Variants in ATR observed in about 807,000 individuals in gnomAD.
ATR encodes ATR checkpoint kinase.
A neutral mutation model predicts 305.3 loss-of-function variants in ATR; 142 were observed. The ratio of observed to expected loss-of-function variants is 0.47; its 90% confidence interval spans 0.41 to 0.53. The LOEUF is 0.53. ATR is among the 20% of genes least tolerant of loss of function. The probability of loss-of-function intolerance (pLI) is 0.00; values close to 1 mark genes in which losing one functional copy is unlikely to be tolerated. For synonymous variants in ATR, 1,050 were observed against 1,068.1 expected (o/e 0.98, Z 0.33); for missense variants, 2,135 against 3,133.1 (o/e 0.68, Z 7.60).
chr3:142,515,665 G>A, intron 24 of ATR, 150 bp from the exon 25 acceptor site: 2 of 857,670 alleles, frequency 2.3e-6, no homozygotes, highest in South Asian at 1.7e-5. Context: ...TCTTAGGGGT[G>A]AAGTAGGTCA....
intron 7 of ATR, 165 bp downstream of exon 7, chr3:142,559,086 T>C: frequency 1.4e-6 from 1 of 728,058 alleles, no homozygotes; most frequent in Non-Finnish European, 2.2e-6. Flanking sequence ...GCACATAAAT[T>C]GGCAACTCAG....
chr3:142,457,236 T>C (rs1356905609), intron 45 of ATR, among the ~76,000 whole-genome samples: 1 of 152,110 alleles, frequency 6.6e-6, no homozygotes, highest in East Asian at 1.9e-4. Flanking sequence ...ATGTCCTGAA[T>C]AGGTAAATCC....
chr3:142,507,233 G>A (rs917438368), intron 28 of ATR, among the ~76,000 whole-genome samples: 8 of 152,006 alleles, frequency 5.3e-5, no homozygotes, highest in East Asian at 1.9e-4. Flanking sequence ...CACTGTATTC[G>A]CCTCACCTGC....
At chr3:142,456,489 T>C (rs139249027) in intron 45 of ATR, among the ~76,000 whole-genome samples, 6,373 of 152,068 alleles carry the variant, frequency 0.042, 443 homozygotes, top group African/African-American at 0.15. Context: ...CGAGAATCGT[T>C]TGAACCCAGG....
intron 16 of ATR, among the ~76,000 whole-genome samples, chr3:142,545,136 G>A (rs1234726092): frequency 6.6e-6 from 1 of 151,886 alleles, no homozygotes; most frequent in African/African-American, 2.4e-5. Flanking sequence ...TCCTATACTG[G>A]GTACAGGTGT....
At chr3:142,460,409 C>G (rs1249480810) in intron 42 of ATR, among the ~76,000 whole-genome samples, 1 of 151,994 alleles carries the variant, frequency 6.6e-6, no homozygotes, top group Non-Finnish European at 1.5e-5. Context: ...AAGGTGGGCC[C>G]TTAATTCAAT....
intron 36 of ATR, among the ~76,000 whole-genome samples, chr3:142,483,666 G>A (rs1294202703): frequency 2.0e-5 from 3 of 151,680 alleles, no homozygotes; most frequent in Non-Finnish European, 4.4e-5. Context: ...GTGAAACCCC[G>A]TCTATACTAA....
chr3:142,504,684 G>A (rs1337968942), intron 29 of ATR, among the ~76,000 whole-genome samples: 3 of 151,932 alleles, frequency 2.0e-5, no homozygotes, highest in Admixed American at 6.6e-5. Context: ...GGCTAGTCTC[G>A]AACTCCTGAC....
rs145497219 is a variant in ATR at position 142,546,065 on chromosome 3, C to G, written c.3357+1660G>C. Among the ~76,000 whole-genome samples the G allele has an allele frequency of 1.9e-3, 283 of 152,232 alleles. 1 individual carries two copies. Among genetic ancestry groups the G allele is most frequent in the African/African-American group, 6.5e-3 (272 of 41,556 alleles). ...CCTGCTCCGTACCTGGGACACTGACCGGACTGCATTACTTAGGATCCCTTA... is the reference window on the plus strand; with the variant it reads ...CCTGCTCCGTACCTGGGACACTGACGGGACTGCATTACTTAGGATCCCTTA... On this transcript the variant is annotated intron_variant, in intron 16 of 46. Coordinates refer to ENST00000350721, the MANE Select transcript of ATR (RefSeq NM_001184.4).
At chr3:142,459,475 T>G (rs1399208707) in intron 42 of ATR, 92 bp from the exon 43 acceptor site, 2 of 1,382,112 alleles carry the variant, frequency 1.4e-6, no homozygotes, top group Non-Finnish European at 2.0e-6. Context: ...AAACATCTAC[T>G]TTTATTCAAA....
intron 36 of ATR, 100 bp downstream of exon 36, chr3:142,485,040 C>A: frequency 6.5e-7 from 1 of 1,541,098 alleles, no homozygotes. Context: ...AGTCATAAGC[C>A]AGAAAATACC....
intron 32 of ATR, among the ~76,000 whole-genome samples, chr3:142,497,467 G>A (rs904560961): frequency 1.3e-5 from 2 of 152,088 alleles, no homozygotes; most frequent in Middle Eastern, 3.4e-3. Context: ...GAGGCAGGTG[G>A]ATCACTTGAA....
intron 21 of ATR, among the ~76,000 whole-genome samples, chr3:142,524,643 A>G (rs1045233303): frequency 6.6e-6 from 1 of 152,206 alleles, no homozygotes; most frequent in Non-Finnish European, 1.5e-5. Flanking sequence ...ATTTCAGTAG[A>G]TAAGTGGAGG....
In ATR at chr3:142,563,239, A is replaced by G. The variant is rs1403030471; in HGVS notation, c.293-130T>C. The G allele has an allele frequency of 3.2e-6, 3 of 946,984 alleles. No individual in the cohort carries two copies. In the African/African-American group the frequency reaches 5.0e-5, roughly 16 times the overall value. 58.7% of individuals were successfully genotyped at this position (946,984 alleles called of 1,614,324 possible). On this transcript the variant is annotated intron_variant, in intron 3 of 46. Coordinates refer to ENST00000350721, the MANE Select transcript of ATR (RefSeq NM_001184.4). ...CAAGAGTGTAAAACATTCTCTTCAC[A>G]ATGGAAACATAATAGTTTAGAACAC...
chr3:142,459,225 A>T lies in ATR; in HGVS notation c.7349+2T>A, dbSNP rs200556378. ...CAACGTATTATATTCTTGGTAACTT[A>T]CCATGATGTAGGATCAGGGAATGTT... On this transcript the variant is annotated splice_donor_variant, in intron 43 of 46. Transcript: ENST00000350721. LOFTEE classifies it high-confidence loss of function. The T allele has an allele frequency of 6.2e-7, 1 of 1,614,034 alleles. No individual in the cohort carries two copies. The highest frequency in any genetic ancestry group is 8.5e-7 in the Non-Finnish European group (1 of 1,179,878).
rs1362210236 is a variant in ATR, at chr3:142,553,824, C to T, written c.2532+1G>A. The T allele has an allele frequency of 3.1e-6, 5 of 1,613,308 alleles. No homozygotes were observed. The African/African-American group carries it at 5.3e-5, about 17-fold the overall frequency. On this transcript the variant is annotated splice_donor_variant, in intron 11 of 46. Transcript: ENST00000350721. LOFTEE classifies it high-confidence loss of function. ...AAATGTTAAAAACAAAAATTATCAA[C>T]CTCCTTTATAAATCCATCTTCAGAG...
chr3:142,483,615 G>A (rs1192544260), intron 36 of ATR, among the ~76,000 whole-genome samples: 2 of 152,068 alleles, frequency 1.3e-5, no homozygotes, highest in Non-Finnish European at 2.9e-5. Flanking sequence ...GTGGTGGGTG[G>A]ATCACGAGGT....
chr3:142,559,475 A>AT (rs1238529835), intron 6 of ATR, 34 bp from the exon 7 acceptor site: 8 of 1,592,594 alleles, frequency 5.0e-6, no homozygotes, highest in Non-Finnish European at 6.9e-6. Context: ...AAACATTGGA[A>AT]TTAAGATGAA....
intron 28 of ATR, among the ~76,000 whole-genome samples, chr3:142,506,456 G>C (rs1485784253): frequency 6.6e-6 from 1 of 152,166 alleles, no homozygotes; most frequent in African/African-American, 2.4e-5. Flanking sequence ...CACTTTGAGA[G>C]GCCAAGGCAG....
Sources: allele counts gnomAD v4.1 joint callset (sites outside exome capture counted in the v4.1 genomes callset), GRCh38; gene constraint gnomAD v4.1.1; transcripts MANE v1.5; gene names NCBI Gene and HGNC (gene_info 2026-07-23, HGNC 2026-07-21).